Variants in GSK3B observed in about 807,000 individuals in gnomAD.
GSK3B encodes the protein glycogen synthase kinase-3 beta.
In GSK3B, 15 loss-of-function variants were observed where a neutral mutation model predicts 56.4. That is an observed-to-expected ratio of 0.27 (90% CI 0.18 to 0.41). The LOEUF is 0.41. GSK3B is among the 10% of genes least tolerant of loss of function. The probability of loss-of-function intolerance (pLI) is 1.00; values close to 1 mark genes in which losing one functional copy is unlikely to be tolerated. For synonymous variants in GSK3B, 181 were observed against 188.9 expected (o/e 0.96, Z 0.34); for missense variants, 300 against 513.4 (o/e 0.58, Z 4.02).
chr3:120,044,282 G>A (rs2058085948), intron 1 of GSK3B, among the ~76,000 whole-genome samples: 2 of 152,146 alleles, frequency 1.3e-5, no homozygotes, highest in Admixed American at 6.5e-5. Flanking sequence ...AAAACTTGGC[G>A]TTCCTGGGAA....
chr3:120,072,009 G>C (rs1012900493), intron 1 of GSK3B, among the ~76,000 whole-genome samples: 10 of 152,172 alleles, frequency 6.6e-5, no homozygotes, highest in Non-Finnish European at 1.5e-4. Flanking sequence ...GGAGAGAAAA[G>C]TTCACATATC....
At chr3:119,920,082 T>G (rs1281717652) in intron 4 of GSK3B, among the ~76,000 whole-genome samples, 1 of 152,216 alleles carries the variant, frequency 6.6e-6, no homozygotes, top group East Asian at 1.9e-4. Flanking sequence ...TGAACTTCTT[T>G]GAACATACCT....
chr3:120,062,037 T>C (rs1267413934), intron 1 of GSK3B, among the ~76,000 whole-genome samples: 1 of 152,232 alleles, frequency 6.6e-6, no homozygotes, highest in African/African-American at 2.4e-5. Context: ...CGGCCATATA[T>C]GAATTTATTA....
chr3:119,926,194 T>A (rs2056887281), intron 3 of GSK3B, among the ~76,000 whole-genome samples: 1 of 152,108 alleles, frequency 6.6e-6, no homozygotes, highest in Admixed American at 6.6e-5. Flanking sequence ...TGATTATATA[T>A]AAATACATAC....
At chr3:119,967,828 TTCTCTTTCTCTC>T (rs1388685987) in intron 2 of GSK3B, among the ~76,000 whole-genome samples, 1 of 96,014 alleles carries the variant, frequency 1.0e-5, no homozygotes, top group Non-Finnish European at 2.3e-5. Flanking sequence ...CTTTCTCTCT[TTCTCTTTCTCTC>T]TCTCTCTCTC....
intron 10 of GSK3B, among the ~76,000 whole-genome samples, chr3:119,834,366 A>C (rs567568316): frequency 1.3e-5 from 2 of 152,376 alleles, no homozygotes; most frequent in Admixed American, 1.3e-4. Flanking sequence ...TCATGAAATC[A>C]AAGTACACCT....
At chr3:119,903,021 G>GT (rs1306579019) in intron 7 of GSK3B, among the ~76,000 whole-genome samples, 1 of 152,134 alleles carries the variant, frequency 6.6e-6, no homozygotes, top group African/African-American at 2.4e-5. Flanking sequence ...GGCCGGACCA[G>GT]TAAGATTTGG....
Position 120,087,609 on chromosome 3 carries a change from T to C in GSK3B, c.88+5738A>G, listed in dbSNP as rs540789778. ...AAGAAATTAACCTTAGACCATGTTA[T>C]TAAGGGAACACGTTAAGGACTTGGC... On this transcript the variant is annotated intron_variant, in intron 1 of 10. Transcript: ENST00000264235. 1.4e-4 allele frequency among the ~76,000 whole-genome samples: 22 copies of C among 152,290 alleles called. 1 individual carries two copies. In the South Asian group the frequency reaches 4.4e-3, roughly 30 times the overall value.
chr3:119,861,644 C>T (rs2056104714), intron 9 of GSK3B, among the ~76,000 whole-genome samples: 1 of 152,066 alleles, frequency 6.6e-6, no homozygotes, highest in Admixed American at 6.5e-5. Flanking sequence ...GTAACAATAG[C>T]GATTTACAAA....
chr3:119,999,982 G>A (rs977794170), intron 2 of GSK3B, among the ~76,000 whole-genome samples: 8 of 152,180 alleles, frequency 5.3e-5, no homozygotes, highest in African/African-American at 1.7e-4. Context: ...TGACCAATGA[G>A]AACTCTGGGA....
At chr3:119,882,775 TA>T (rs2056393907) in intron 7 of GSK3B, among the ~76,000 whole-genome samples, 1 of 152,176 alleles carries the variant, frequency 6.6e-6, no homozygotes, top group Non-Finnish European at 1.5e-5. Flanking sequence ...TTATAAAGAT[TA>T]ATACACTTTT....
At position 119,974,783 on chromosome 3, in the gene GSK3B, T is replaced by TACA. The variant is rs142422491; in HGVS notation, c.282+27260_282+27262dup. ...AATTAATACACTGGCATACTACTAC[T>TACA]ACACACCTATTAGAATGGCTAAAAT... On this transcript the variant is annotated intron_variant, in intron 2 of 10. Transcript: ENST00000264235. Among the ~76,000 whole-genome samples, 467 of 152,332 alleles carry TACA rather than the reference T, an allele frequency of 3.1e-3. 8 individuals carry two copies. The East Asian group carries it at 0.039, about 13-fold the overall frequency.
chr3:120,055,684 A>G (rs2058186269), intron 1 of GSK3B, among the ~76,000 whole-genome samples: 1 of 152,218 alleles, frequency 6.6e-6, no homozygotes, highest in African/African-American at 2.4e-5. Context: ...TTTTCAATGA[A>G]CAGTGAGCTT....
intron 2 of GSK3B, among the ~76,000 whole-genome samples, chr3:119,959,779 A>T (rs762849279): frequency 1.3e-5 from 2 of 151,934 alleles, no homozygotes; most frequent in Non-Finnish European, 2.9e-5. Flanking sequence ...AGCCTCCCTA[A>T]GTGCTATTAT....
At chr3:119,919,363 T>C (rs2056813335) in intron 4 of GSK3B, among the ~76,000 whole-genome samples, 1 of 152,044 alleles carries the variant, frequency 6.6e-6, no homozygotes, top group Non-Finnish European at 1.5e-5. Context: ...AGGATTACAA[T>C]AAAACTATGT....
intron 10 of GSK3B, among the ~76,000 whole-genome samples, chr3:119,833,687 G>GTTTTTTTTTTTT (rs1162358136): frequency 7.5e-5 from 10 of 133,460 alleles, no homozygotes; most frequent in African/African-American, 2.9e-4. Context: ...GAAACATTAG[G>GTTTTTTTTTTTT]TTGTTTTTTT....
chr3:119,928,268 A>G (rs2056907213), intron 3 of GSK3B, among the ~76,000 whole-genome samples: 1 of 152,174 alleles, frequency 6.6e-6, no homozygotes, highest in Admixed American at 6.5e-5. Flanking sequence ...AGAGACCCAA[A>G]TTTATTTGTA....
chr3:119,897,874 T>C (rs2056585380), intron 7 of GSK3B, among the ~76,000 whole-genome samples: 1 of 150,910 alleles, frequency 6.6e-6, no homozygotes, highest in Non-Finnish European at 1.5e-5. Flanking sequence ...AGAGTGTAGG[T>C]ACACATGGGC....
rs2058264785 is a variant in GSK3B at position 120,064,620 on chromosome 3, A to G, written c.88+28727T>C. On this transcript the variant is annotated intron_variant, in intron 1 of 10. Transcript: ENST00000264235. ...TACAAATTCAACTCAATCCCTACCA[A>G]AATCCCAAAGGCCTTTTCTGCAGAA... Among the ~76,000 whole-genome samples, 65 of 152,258 alleles carry G rather than the reference A, an allele frequency of 4.3e-4. 2 individuals are homozygous for G. Among genetic ancestry groups the G allele is most frequent in the Admixed American group, 3.3e-3 (51 of 15,288 alleles).
Sources: allele counts gnomAD v4.1 joint callset (sites outside exome capture counted in the v4.1 genomes callset), GRCh38; gene constraint gnomAD v4.1.1; transcripts MANE v1.5; gene names NCBI Gene and HGNC (gene_info 2026-07-23, HGNC 2026-07-21).